Variants in DTNB observed in about 807,000 individuals in gnomAD.
The protein encoded by DTNB is DTN-B.
Under a neutral mutation model 90.7 loss-of-function variants are expected in DTNB, and 63 were observed. The ratio of observed to expected loss-of-function variants is 0.69; its 90% CI spans 0.57 to 0.86. The LOEUF (loss-of-function observed/expected upper bound fraction) is 0.86, where lower values mean the gene tolerates loss of function less well. Among genes scored for constraint, DTNB ranks in the 40% least tolerant of loss-of-function variants. DTNB has a pLI of 0.00. For missense variants in DTNB, 744 were observed against 807.1 expected (o/e 0.92, Z 0.95); for synonymous variants, 277 against 286.7 (o/e 0.97, Z 0.34).
chr2:25,546,225 C>A (rs534477812), intron 8 of DTNB, among the ~76,000 whole-genome samples: 1 of 152,200 alleles, frequency 6.6e-6, no homozygotes, highest in Non-Finnish European at 1.5e-5. Context: ...AGGGTGGGAA[C>A]CTGGACAGGA....
At chr2:25,416,986 T>C (rs771337591) in intron 16 of DTNB, among the ~76,000 whole-genome samples, 6 of 152,222 alleles carry the variant, frequency 3.9e-5, no homozygotes, top group African/African-American at 7.2e-5. Context: ...CTGAAAAACA[T>C]TGAATTACGT....
Position 25,383,839 on chromosome 2 carries a change from T to C in DTNB, c.1876A>G (p.Arg626Gly), listed in dbSNP as rs757063061. ...AGTCCTGCTGAGCTGCCTTTACCTC[T>C]GTCTTTCCCATTCTGCATCTTCTCT... The part of the protein sequence containing the change: ...EEEKMQNGKD[R>G]G Residue 626 changes from arginine (R) to glycine (G), a missense_variant, in exon 19 of 21, where the codon AGA becomes GGA. Arg to Gly is a moderately radical substitution (Grantham distance 125). Coordinates refer to ENST00000406818, the MANE Select transcript of DTNB (RefSeq NM_021907.5). 6.2e-7 allele frequency: 1 copy of C among 1,614,054 alleles called. No homozygotes were observed. Among genetic ancestry groups the C allele is most frequent in the Admixed American group, 1.7e-5 (1 of 60,034 alleles).
At chr2:25,462,266 G>A (rs1426625869) in intron 10 of DTNB, among the ~76,000 whole-genome samples, 1 of 152,108 alleles carries the variant, frequency 6.6e-6, no homozygotes, top group Admixed American at 6.5e-5. Context: ...CCATCAGGAG[G>A]CACATCTGTA....
chr2:25,580,707 A>G lies in DTNB; in HGVS notation c.709+14T>C, dbSNP rs767575138. The G allele has an allele frequency of 1.5e-5, 24 of 1,609,670 alleles. 2 individuals carry two copies. The South Asian group carries it at 2.1e-4, about 14-fold the overall frequency. ...CTATAGCATGCGGAATTGAACAATAAAAGTTCTGCTTACCATTCTCAACAT... is the reference window on the plus strand; with the variant it reads ...CTATAGCATGCGGAATTGAACAATAGAAGTTCTGCTTACCATTCTCAACAT... On this transcript the variant is annotated intron_variant, in intron 7 of 20. Transcript: ENST00000406818.
intron 6 of DTNB, among the ~76,000 whole-genome samples, chr2:25,585,452 T>C (rs1359566187): frequency 6.6e-6 from 1 of 152,200 alleles, no homozygotes; most frequent in Non-Finnish European, 1.5e-5. Context: ...TGTTGCTCTT[T>C]GTTATTCTAA....
chr2:25,378,483 G>A (rs1007517288), intron 20 of DTNB, among the ~76,000 whole-genome samples: 1 of 151,946 alleles, frequency 6.6e-6, no homozygotes, highest in Non-Finnish European at 1.5e-5. Flanking sequence ...CACGACTTGG[G>A]AGGGTCTGAA....
intron 8 of DTNB, among the ~76,000 whole-genome samples, chr2:25,541,042 AAAAAG>A (rs1305342481): frequency 9.9e-5 from 15 of 151,982 alleles, no homozygotes; most frequent in African/African-American, 2.9e-4. Context: ...AATTAAAAAA[AAAAAG>A]AAAACAAAAA....
intron 8 of DTNB, among the ~76,000 whole-genome samples, chr2:25,558,039 G>C (rs2057662309): frequency 6.6e-6 from 1 of 152,174 alleles, no homozygotes; most frequent in South Asian, 2.1e-4. Flanking sequence ...CCGGAACTGT[G>C]AGAAAACATT....
At chr2:25,411,266 GGA>G (rs2046529355) in intron 16 of DTNB, among the ~76,000 whole-genome samples, 1 of 151,982 alleles carries the variant, frequency 6.6e-6, no homozygotes, top group Admixed American at 6.6e-5. Flanking sequence ...GGCTGAGGCA[GGA>G]GAGTCACTTG....
At chr2:25,392,129 C>G (rs1385583225) in intron 16 of DTNB, among the ~76,000 whole-genome samples, 1 of 152,100 alleles carries the variant, frequency 6.6e-6, no homozygotes, top group African/African-American at 2.4e-5. Flanking sequence ...ATGAAACAGG[C>G]CAGGCACGGT....
chr2:25,600,281 A>G (rs982703894), intron 5 of DTNB, among the ~76,000 whole-genome samples: 3 of 152,216 alleles, frequency 2.0e-5, no homozygotes, highest in African/African-American at 7.2e-5. Flanking sequence ...TTAACGAATG[A>G]CTTCTCAGCC....
At chr2:25,396,050 A>AAATG (rs1311394479) in intron 16 of DTNB, among the ~76,000 whole-genome samples, 1 of 152,208 alleles carries the variant, frequency 6.6e-6, no homozygotes, top group Non-Finnish European at 1.5e-5. Context: ...TGGATAAAGA[A>AAATG]AATGTGGTAA....
chr2:25,639,524 G>A (rs2077784296), intron 2 of DTNB, among the ~76,000 whole-genome samples: 1 of 151,652 alleles, frequency 6.6e-6, no homozygotes, highest in South Asian at 2.1e-4. Flanking sequence ...CTGCACATAA[G>A]TGTCCTCATT....
At chr2:25,586,726 C>A (rs1174536813) in intron 6 of DTNB, among the ~76,000 whole-genome samples, 2 of 152,028 alleles carry the variant, frequency 1.3e-5, no homozygotes, top group Non-Finnish European at 2.9e-5. Flanking sequence ...AAGAAGAAGG[C>A]ATATTTTTGC....
chr2:25,407,227 C>A (rs538088018), intron 16 of DTNB, among the ~76,000 whole-genome samples: 15 of 152,246 alleles, frequency 9.9e-5, no homozygotes, highest in African/African-American at 3.6e-4. Context: ...TGAGATACCA[C>A]CTTACCCCTG....
chr2:25,544,707 T>C (rs958044979), intron 8 of DTNB, among the ~76,000 whole-genome samples: 2 of 152,220 alleles, frequency 1.3e-5, no homozygotes, highest in Non-Finnish European at 2.9e-5. Context: ...CTTCAGTCCT[T>C]TAATCATGCC....
rs575885831 is a variant in DTNB at position 25,637,750 on chromosome 2, C to T, written c.148+1264G>A. Among the ~76,000 whole-genome samples the T allele has an allele frequency of 2.5e-4, 38 of 152,310 alleles. No homozygotes were observed. In the South Asian group the frequency reaches 5.8e-3, roughly 23 times the overall value. ...ATGTGGAGAAATAGGAACACTTTTA[C>T]GCTGCTGGTGGGACTGTAAACTAGT... On this transcript the variant is annotated intron_variant, in intron 3 of 20. Transcript: ENST00000406818.
At position 25,389,413 on chromosome 2, in the gene DTNB, C is replaced by T. The variant is rs566484458; in HGVS notation, c.1576-1052G>A. Among the ~76,000 whole-genome samples, 12 of 152,348 alleles carry T rather than the reference C, an allele frequency of 7.9e-5. No individual in the cohort carries two copies. In the South Asian group the frequency reaches 1.7e-3, roughly 21 times the overall value. On this transcript the variant is annotated intron_variant, in intron 16 of 20. Transcript: ENST00000406818. The stretch of plus-strand genomic sequence containing the variant: ...ACAGCAAGGCTGTCCGGGGCCACCC[C>T]GCGGGGACGAGGTGAGAAAGGACAC...
chr2:25,440,886 C>G (rs2057221843), intron 12 of DTNB, among the ~76,000 whole-genome samples: 1 of 152,168 alleles, frequency 6.6e-6, no homozygotes, highest in South Asian at 2.1e-4. Flanking sequence ...TTTAAGCCAG[C>G]TTTTGATTGC....
Sources: gnomAD v4.1 joint callset for allele counts (sites outside exome capture counted in the v4.1 genomes callset) on GRCh38, gnomAD v4.1.1 for gene constraint, MANE v1.5 for transcripts, NCBI Gene and HGNC (gene_info 2026-07-23, HGNC 2026-07-21) for gene names.